The following ERC1 variants were observed in gnomAD, a reference collection of about 807,000 sequenced individuals.
ERC1 encodes the protein RAB6 interacting protein 2.
Under a neutral mutation model 132.0 loss-of-function variants are expected in ERC1, and 56 were observed. That is an observed-to-expected ratio of 0.42 (90% CI 0.34 to 0.53). ERC1 has a LOEUF of 0.53. Ranked by LOEUF, ERC1 falls within the 20% of genes least tolerant of loss-of-function variation. The pLI is 0.03. For synonymous variants in ERC1, 478 were observed against 476.1 expected, an observed-to-expected ratio of 1.00 and a Z score of -0.05; for missense variants, 1,202 against 1,349.9, an observed-to-expected ratio of 0.89 and a Z score of 1.72.
At chr12:1,102,113 C>T (rs1205984791) in intron 3 of ERC1, among the ~76,000 whole-genome samples, 2 of 151,960 alleles carry the variant, frequency 1.3e-5, no homozygotes, top group African/African-American at 4.8e-5. Flanking sequence ...ATTTTAAAGA[C>T]GTTCCTTCTT....
chr12:1,071,182 T>G (rs1940286536), intron 2 of ERC1, among the ~76,000 whole-genome samples: 1 of 152,246 alleles, frequency 6.6e-6, no homozygotes, highest in Non-Finnish European at 1.5e-5. Flanking sequence ...TTGTGTTTAT[T>G]GGTACATGTT....
intron 1 of ERC1, among the ~76,000 whole-genome samples, chr12:1,002,971 C>CCA (rs145861086): frequency 0.17 from 25,493 of 151,402 alleles, 2,932 homozygotes; most frequent in African/African-American, 0.32. Flanking sequence ...CTTAAGGAGG[C>CCA]CAGGCACCGT....
chr12:1,042,585 A>G (rs560570679), intron 2 of ERC1, among the ~76,000 whole-genome samples: 1 of 138,994 alleles, frequency 7.2e-6, no homozygotes, highest in East Asian at 2.2e-4. Context: ...TGATCCACCC[A>G]CCTTGGCCTC....
intron 15 of ERC1, among the ~76,000 whole-genome samples, chr12:1,292,751 C>T (rs1270759642): frequency 6.6e-6 from 1 of 152,210 alleles, no homozygotes; most frequent in African/African-American, 2.4e-5. Context: ...TGGTTCACAC[C>T]TGTAATCCCA....
chr12:1,151,150 T>TTAAGAA (rs1277919859), intron 8 of ERC1, among the ~76,000 whole-genome samples: 1 of 152,144 alleles, frequency 6.6e-6, no homozygotes, highest in Non-Finnish European at 1.5e-5. Context: ...TGTATTAGGG[T>TTAAGAA]TAAGAATAAT....
intron 18 of ERC1, among the ~76,000 whole-genome samples, chr12:1,457,529 A>G (rs1443054775): frequency 1.6e-4 from 24 of 152,128 alleles, no homozygotes; most frequent in Non-Finnish European, 3.4e-4. Context: ...CTACTCAAAT[A>G]TCTAATATAT....
In ERC1 at chr12:1,275,860, G is replaced by A. The variant is rs186276030; in HGVS notation, c.2619+12695G>A. On this transcript the variant is annotated intron_variant, in intron 14 of 18. Coordinates refer to ENST00000360905, the MANE Select transcript of ERC1 (RefSeq NM_178040.4). ...GGGTCTCAGGCTTCCACTTGTGTCAGAAGGCAGAGTACCTTTTATTCTTAA... is the reference window on the plus strand; with the variant it reads ...GGGTCTCAGGCTTCCACTTGTGTCAAAAGGCAGAGTACCTTTTATTCTTAA... 2.6e-5 allele frequency among the ~76,000 whole-genome samples: 4 copies of A among 152,314 alleles called. No individual in the cohort carries two copies. In the East Asian group the frequency reaches 7.7e-4, roughly 29 times the overall value.
At chr12:1,231,131 T>G (rs2075003631) in intron 12 of ERC1, among the ~76,000 whole-genome samples, 1 of 145,626 alleles carries the variant, frequency 6.9e-6, no homozygotes, top group Non-Finnish European at 1.5e-5. Flanking sequence ...CTTGCTGCCT[T>G]CCTTTCTGAT....
chr12:1,219,338 C>G (rs893916429), intron 12 of ERC1, among the ~76,000 whole-genome samples: 1 of 152,168 alleles, frequency 6.6e-6, no homozygotes, highest in Admixed American at 6.5e-5. Flanking sequence ...ATCTGGCCCA[C>G]CTTTTTCAAA....
chr12:990,893 C>G (rs982351801), upstream of ERC1, among the ~76,000 whole-genome samples: 1 of 151,944 alleles, frequency 6.6e-6, no homozygotes, highest in Non-Finnish European at 1.5e-5. Flanking sequence ...CCTGCGCTCG[C>G]GGAGCCGACC....
intron 7 of ERC1, among the ~76,000 whole-genome samples, chr12:1,119,438 A>G (rs986770268): frequency 3.9e-5 from 6 of 152,022 alleles, no homozygotes; most frequent in African/African-American, 1.4e-4. Context: ...CTTTGGTGTC[A>G]GACATAGGCT....
chr12:1,228,050 G>A (rs1215582932), intron 12 of ERC1, among the ~76,000 whole-genome samples: 2 of 152,088 alleles, frequency 1.3e-5, no homozygotes, highest in African/African-American at 4.8e-5. Context: ...GTTTAGATTT[G>A]TAACATAGTT....
chr12:1,160,993 A>G (rs1411044718), intron 8 of ERC1, among the ~76,000 whole-genome samples: 1 of 152,210 alleles, frequency 6.6e-6, no homozygotes, highest in African/African-American at 2.4e-5. Context: ...ATGCACTGGA[A>G]TAGTCTTTGC....
intron 18 of ERC1, among the ~76,000 whole-genome samples, chr12:1,454,441 G>A (rs1217948361): frequency 6.6e-6 from 1 of 152,184 alleles, no homozygotes; most frequent in Admixed American, 6.5e-5. Flanking sequence ...AGAAGCACAG[G>A]TCACAACCTG....
chr12:1,400,848 T>C (rs1446193818), intron 16 of ERC1, among the ~76,000 whole-genome samples: 1 of 151,310 alleles, frequency 6.6e-6, no homozygotes, highest in African/African-American at 2.4e-5. Flanking sequence ...CTGTAGGATC[T>C]GAAATCAGAA....
chr12:1,126,986 C>CAAAAAAAAAAAAAAAAAAAAAAAAA (rs71055135), intron 7 of ERC1, among the ~76,000 whole-genome samples: 2 of 114,210 alleles, frequency 1.8e-5, no homozygotes, highest in Non-Finnish European at 3.4e-5. Flanking sequence ...GATTCTGTCT[C>CAAAAAAAAAAAAAAAAAAAAAAAAA]AAAAAAAAAA....
intron 2 of ERC1, among the ~76,000 whole-genome samples, chr12:1,058,136 G>C (rs1489191897): frequency 6.6e-6 from 1 of 152,032 alleles, no homozygotes; most frequent in African/African-American, 2.4e-5. Flanking sequence ...TCTGCAGATT[G>C]TCTCTTCACT....
rs4366549 is a variant in ERC1, at chr12:1,371,665, G to C, written c.2781-168G>C. Reference sequence around the variant, plus strand: ...CTTGGTTTTATTACCCTCAAAATGGGGGTACTGATAATAGTAACTTCAAAG... The same window carrying C: ...CTTGGTTTTATTACCCTCAAAATGGCGGTACTGATAATAGTAACTTCAAAG... On this transcript the variant is annotated intron_variant, in intron 15 of 18. Transcript: ENST00000360905. Among the ~76,000 whole-genome samples, 387 of 55,538 alleles carry C rather than the reference G, an allele frequency of 7.0e-3. 13 individuals are homozygous for C. Among genetic ancestry groups the C allele is most frequent in the Middle Eastern group, 0.024 (2 of 84 alleles). The allele number at this position is 55,538 out of a possible 152,430, so 36.4% of individuals were successfully genotyped here.
intron 3 of ERC1, among the ~76,000 whole-genome samples, chr12:1,095,918 A>G (rs1002827286): frequency 6.7e-6 from 1 of 149,954 alleles, no homozygotes; most frequent in African/African-American, 2.5e-5. Context: ...TCTTTATTGT[A>G]CGCAGGGAAG....
Sources: allele counts gnomAD v4.1 joint callset (sites outside exome capture counted in the v4.1 genomes callset), GRCh38; gene constraint gnomAD v4.1.1; transcripts MANE v1.5; gene names NCBI Gene and HGNC (gene_info 2026-07-23, HGNC 2026-07-21).